The following CHD6 variants were observed in gnomAD, a reference collection of about 807,000 sequenced individuals.
CHD6 encodes the protein chromodomain helicase DNA binding protein 6.
In CHD6, 50 loss-of-function variants were observed where a neutral mutation model predicts 276.9. The ratio of observed to expected loss-of-function variants is 0.18; its 90% CI spans 0.14 to 0.23. CHD6 has a LOEUF of 0.23. CHD6 is among the 10% of genes least tolerant of loss of function. The pLI, the probability that CHD6 is intolerant of heterozygous loss-of-function variation, is 1.00. For synonymous variants in CHD6, 1,173 were observed against 1,229.3 expected (o/e 0.95, Z 0.96); for missense variants, 2,564 against 3,365.8 (o/e 0.76, Z 5.89).
chr20:41,415,971 T>C (rs2046982783), intron 33 of CHD6, among the ~76,000 whole-genome samples: 1 of 152,174 alleles, frequency 6.6e-6, no homozygotes, highest in Non-Finnish European at 1.5e-5. Flanking sequence ...CCTGGGAAGT[T>C]TAAAACAACT....
At chr20:41,542,838 C>T (rs1022025521) in intron 2 of CHD6, among the ~76,000 whole-genome samples, 2 of 152,000 alleles carry the variant, frequency 1.3e-5, no homozygotes, top group African/African-American at 4.8e-5. Context: ...GGCACGGTGG[C>T]TCACGCCTGT....
chr20:41,514,074 C>T (rs1444708714), intron 4 of CHD6, among the ~76,000 whole-genome samples: 1 of 152,202 alleles, frequency 6.6e-6, no homozygotes, highest in South Asian at 2.1e-4. Flanking sequence ...GACACTGCTG[C>T]TTATTAATAC....
rs140994793 is a variant in CHD6, at chr20:41,570,744, A to G, written c.-23-19384T>C. On this transcript the variant is annotated intron_variant, in intron 1 of 36. Coordinates refer to ENST00000373233, the MANE Select transcript of CHD6 (RefSeq NM_032221.5). ...ATCAAGCTCTGTCCACAAAAGTGGA[A>G]TTAGACTAATGTGACTCACTTTAAC... is the stretch of plus-strand genomic sequence containing the variant. Among the ~76,000 whole-genome samples, 4 of 152,358 alleles carry G rather than the reference A, an allele frequency of 2.6e-5. No homozygotes were observed. In the East Asian group the frequency reaches 7.7e-4, roughly 29 times the overall value.
rs118132599 is a variant in CHD6 at position 41,425,880 on chromosome 20, T to C, written c.4129+213A>G. ...TTATTCTAACTGAAGATATTAACATTTACTTCACTTTCAAATTTTAATGCC... is the reference window on the plus strand; with the variant it reads ...TTATTCTAACTGAAGATATTAACATCTACTTCACTTTCAAATTTTAATGCC... On this transcript the variant is annotated intron_variant, in intron 28 of 36. Coordinates refer to ENST00000373233, the MANE Select transcript of CHD6 (RefSeq NM_032221.5). 1.1e-4 allele frequency among the ~76,000 whole-genome samples: 16 copies of C among 152,210 alleles called. 1 individual carries two copies. The East Asian group carries it at 2.9e-3, about 28-fold the overall frequency.
At chr20:41,458,733 C>A (rs2048454055) in intron 17 of CHD6, among the ~76,000 whole-genome samples, 1 of 152,116 alleles carries the variant, frequency 6.6e-6, no homozygotes, top group Non-Finnish European at 1.5e-5. Context: ...CCTGTCCAGA[C>A]CTGGCTTCAG....
At chr20:41,474,009 C>T (rs1400400505) in intron 16 of CHD6, among the ~76,000 whole-genome samples, 1 of 152,174 alleles carries the variant, frequency 6.6e-6, no homozygotes, top group Non-Finnish European at 1.5e-5. Context: ...AACTGTGAGG[C>T]AGTCCTTTTA....
chr20:41,562,086 A>C (rs569013066), intron 1 of CHD6, among the ~76,000 whole-genome samples: 1 of 151,918 alleles, frequency 6.6e-6, no homozygotes, highest in African/African-American at 2.4e-5. Context: ...CTGTACCTCT[A>C]ATTTTCTGTC....
At chr20:41,413,636 G>A (rs2046909654) in intron 34 of CHD6, 121 bp from the exon 35 acceptor site, 2 of 853,510 alleles carry the variant, frequency 2.3e-6, no homozygotes, top group East Asian at 5.5e-5. Context: ...ATATTACTCA[G>A]CTGGGGTGCC....
chr20:41,599,153 C>T (rs2045748487), intron 1 of CHD6, among the ~76,000 whole-genome samples: 1 of 152,128 alleles, frequency 6.6e-6, no homozygotes, highest in African/African-American at 2.4e-5. Flanking sequence ...CTAGGGATGC[C>T]ATTAAAGGAA....
At chr20:41,500,829 G>C (rs2043813626) in intron 5 of CHD6, among the ~76,000 whole-genome samples, 1 of 152,116 alleles carries the variant, frequency 6.6e-6, no homozygotes, top group African/African-American at 2.4e-5. Flanking sequence ...AAGAGGAAAA[G>C]AAAGAAGGAA....
intron 23 of CHD6, 57 bp downstream of exon 23, chr20:41,450,889 G>T: frequency 4.0e-6 from 6 of 1,515,512 alleles, no homozygotes; most frequent in South Asian, 2.4e-5. Context: ...GGGTTCCCAG[G>T]AATCGAAGCA....
chr20:41,571,693 T>C (rs1270407363), intron 1 of CHD6, among the ~76,000 whole-genome samples: 1 of 152,126 alleles, frequency 6.6e-6, no homozygotes. Flanking sequence ...CATATGGTTT[T>C]TAAACATTAA....
chr20:41,454,004 C>T lies in CHD6; in HGVS notation c.3120+622G>A, dbSNP rs374655667. 2.2e-4 allele frequency among the ~76,000 whole-genome samples: 34 copies of T among 152,152 alleles called. 1 individual carries two copies. The highest frequency in any genetic ancestry group is 9.2e-4 in the Admixed American group (14 of 15,288). ...AGGTGACAGGGTCAGAGATGAAGGACGGGAAATCAACATTTAAGGGGTGCC... is the reference window on the plus strand; with the variant it reads ...AGGTGACAGGGTCAGAGATGAAGGATGGGAAATCAACATTTAAGGGGTGCC... On this transcript the variant is annotated intron_variant, in intron 20 of 36. Coordinates refer to ENST00000373233, the MANE Select transcript of CHD6 (RefSeq NM_032221.5).
chr20:41,448,558 C>T (rs190131789), intron 23 of CHD6, among the ~76,000 whole-genome samples: 30 of 152,252 alleles, frequency 2.0e-4, no homozygotes, highest in African/African-American at 6.3e-4. Context: ...TGCATCATGC[C>T]GGGTGCTATA....
At chr20:41,408,372 C>T (rs937563656) in intron 36 of CHD6, among the ~76,000 whole-genome samples, 3 of 152,166 alleles carry the variant, frequency 2.0e-5, no homozygotes, top group African/African-American at 7.2e-5. Context: ...GCTAGGCTGG[C>T]AACTGCACAC....
intron 1 of CHD6, among the ~76,000 whole-genome samples, chr20:41,571,384 CATTA>C (rs2045414817): frequency 6.7e-6 from 1 of 149,838 alleles, no homozygotes; most frequent in South Asian, 2.1e-4. Context: ...GAAGTCTGGC[CATTA>C]ATTTTTTTTT....
chr20:41,415,097 T>G, intron 34 of CHD6, 89 bp downstream of exon 34: 3 of 1,498,788 alleles, frequency 2.0e-6, no homozygotes, highest in Admixed American at 2.2e-5. Flanking sequence ...AGATAAAAGA[T>G]CCACAAATTA....
intron 33 of CHD6, 115 bp downstream of exon 33, chr20:41,416,473 C>CA (rs892891662): frequency 1.2e-3 from 1,155 of 937,450 alleles, no homozygotes; most frequent in Middle Eastern, 2.5e-3. Flanking sequence ...AATGGCTTGG[C>CA]AAAAAAAAAC....
chr20:41,599,840 C>T (rs2045756012), intron 1 of CHD6, among the ~76,000 whole-genome samples: 1 of 152,208 alleles, frequency 6.6e-6, no homozygotes, highest in Non-Finnish European at 1.5e-5. Flanking sequence ...AATAGACAGC[C>T]TCTCCCTTCC....
Sources: gnomAD v4.1 joint callset for allele counts (sites outside exome capture counted in the v4.1 genomes callset) on GRCh38, gnomAD v4.1.1 for gene constraint, MANE v1.5 for transcripts, NCBI Gene and HGNC (gene_info 2026-07-23, HGNC 2026-07-21) for gene names.